ZFAND3: variants seen among roughly 807,000 people sequenced by gnomAD.
The protein encoded by ZFAND3 is AN1-type zinc finger protein 3.
A neutral mutation model predicts 29.6 loss-of-function variants in ZFAND3; 10 were observed. The ratio of observed to expected loss-of-function variants is 0.34; its 90% CI spans 0.21 to 0.57. ZFAND3 has a LOEUF of 0.57. Among genes scored for constraint, ZFAND3 ranks in the 20% least tolerant of loss-of-function variants. The pLI is 0.86. For missense variants in ZFAND3, 230 were observed against 304.5 expected, an observed-to-expected ratio of 0.76 and a Z score of 1.82; for synonymous variants, 128 against 112.6, an observed-to-expected ratio of 1.14 and a Z score of -0.87.
chr6:37,866,909 C>G (rs775069463), intron 1 of ZFAND3, among the ~76,000 whole-genome samples: 1 of 152,144 alleles, frequency 6.6e-6, no homozygotes, highest in African/African-American at 2.4e-5. Context: ...ATGAAACATA[C>G]GGACTGCTTT....
At chr6:38,049,428 GAAGTT>G (rs1482755663) in intron 2 of ZFAND3, among the ~76,000 whole-genome samples, 1 of 152,160 alleles carries the variant, frequency 6.6e-6, no homozygotes, top group Non-Finnish European at 1.5e-5. Context: ...TAGAGCAAGA[GAAGTT>G]AAGTAACTTG....
intron 1 of ZFAND3, among the ~76,000 whole-genome samples, chr6:37,831,755 T>C (rs1267821382): frequency 2.6e-5 from 4 of 152,028 alleles, no homozygotes; most frequent in African/African-American, 9.7e-5. Flanking sequence ...AATGGGAAAG[T>C]GTGCTGAATT....
At chr6:37,920,052 C>CT (rs11389241) in intron 1 of ZFAND3, among the ~76,000 whole-genome samples, 31,172 of 93,242 alleles carry the variant, frequency 0.33, 5,816 homozygotes, top group Non-Finnish European at 0.45. Context: ...TTTTTTGAAG[C>CT]TTTTTTTTTT....
chr6:37,929,894 G>A (rs1345063742), intron 1 of ZFAND3, 65 bp from the exon 2 acceptor site: 4 of 1,474,558 alleles, frequency 2.7e-6, no homozygotes, highest in South Asian at 1.4e-5. Flanking sequence ...GACATCTTAT[G>A]TTTTGATTAG....
chr6:37,859,367 A>G (rs569126515), intron 1 of ZFAND3, among the ~76,000 whole-genome samples: 3 of 152,264 alleles, frequency 2.0e-5, no homozygotes, highest in African/African-American at 7.2e-5. Context: ...GTGTTTGGCA[A>G]TTTGGACTTG....
intron 1 of ZFAND3, among the ~76,000 whole-genome samples, chr6:37,901,267 G>GGA (rs1765314079): frequency 6.6e-6 from 1 of 152,234 alleles, no homozygotes; most frequent in Admixed American, 6.5e-5. Flanking sequence ...AGAAAGCAAG[G>GGA]GAGATTTGAG....
chr6:37,904,857 T>G (rs1176399617), intron 1 of ZFAND3, among the ~76,000 whole-genome samples: 2 of 152,222 alleles, frequency 1.3e-5, no homozygotes, highest in African/African-American at 4.8e-5. Flanking sequence ...TTACTTGTGC[T>G]TGTTTATTTA....
chr6:38,047,954 A>G (rs1763936969), intron 2 of ZFAND3, among the ~76,000 whole-genome samples: 1 of 148,074 alleles, frequency 6.8e-6, no homozygotes, highest in Non-Finnish European at 1.5e-5. Flanking sequence ...TTCCAGACCT[A>G]GGTTTTTGGG....
chr6:37,899,414 T>C (rs1054195905), intron 1 of ZFAND3, among the ~76,000 whole-genome samples: 4 of 152,172 alleles, frequency 2.6e-5, no homozygotes, highest in Non-Finnish European at 5.9e-5. Context: ...TAACCTATTA[T>C]TGTTAGCCTT....
rs528267454 is a variant in ZFAND3, at chr6:38,119,350, A to G, written c.529+2611A>G. Among the ~76,000 whole-genome samples, 4 of 152,338 alleles carry G rather than the reference A, an allele frequency of 2.6e-5. No homozygotes were observed. The South Asian group carries it at 8.3e-4, about 32-fold the overall frequency. ...TAGAGGGGGGATAACACAGTAATTT[A>G]CTACTGAAAGTGAAGACTCAGGAAG... On this transcript the variant is annotated intron_variant, in intron 5 of 5. Transcript: ENST00000287218.
chr6:37,906,292 T>TA (rs1765405827), intron 1 of ZFAND3, among the ~76,000 whole-genome samples: 1 of 152,196 alleles, frequency 6.6e-6, no homozygotes. Context: ...AGTGAAATAA[T>TA]AAAAAATGAC....
chr6:37,984,673 T>G (rs1762635871), intron 2 of ZFAND3, among the ~76,000 whole-genome samples: 1 of 152,260 alleles, frequency 6.6e-6, no homozygotes. Flanking sequence ...AAACTTCTAC[T>G]GAAGCCCAGT....
At chr6:38,020,571 A>G (rs1051325445) in intron 2 of ZFAND3, among the ~76,000 whole-genome samples, 6 of 152,224 alleles carry the variant, frequency 3.9e-5, no homozygotes, top group African/African-American at 1.4e-4. Context: ...CAAGACAACT[A>G]TGTAATGGCA....
At position 38,153,986 on chromosome 6, in the gene ZFAND3, C is replaced by G; in HGVS notation, c.*1597C>G. 2 of 985,476 alleles carry G rather than the reference C, an allele frequency of 2.0e-6. No individual in the cohort carries two copies. Among genetic ancestry groups the G allele is most frequent in the Non-Finnish European group, 2.4e-6 (2 of 829,938 alleles). 61.0% of individuals were successfully genotyped at this position (985,476 alleles called of 1,614,324 possible). On this transcript the variant is annotated 3_prime_UTR_variant, in exon 6 of 6. Transcript: ENST00000287218. ...CAACTGCAAATGTTTTTTGATCCGA[C>G]GTACTGAAATAGGAAGTCATGCTCT...
intron 2 of ZFAND3, among the ~76,000 whole-genome samples, chr6:38,057,286 G>A (rs1162610240): frequency 6.6e-6 from 1 of 152,054 alleles, no homozygotes; most frequent in African/African-American, 2.4e-5. Flanking sequence ...ATATAAATCT[G>A]TTCCCCTTCA....
At chr6:37,931,560 A>C (rs1240279236) in intron 2 of ZFAND3, among the ~76,000 whole-genome samples, 1 of 151,806 alleles carries the variant, frequency 6.6e-6, no homozygotes, top group Non-Finnish European at 1.5e-5. Context: ...AAAAAACAAA[A>C]AAAAAACCAA....
chr6:37,840,747 T>C (rs971589691), intron 1 of ZFAND3, among the ~76,000 whole-genome samples: 2 of 152,228 alleles, frequency 1.3e-5, no homozygotes, highest in African/African-American at 4.8e-5. Flanking sequence ...TTCAGTTCTT[T>C]CAACAACATT....
chr6:37,823,686 T>C (rs1431264590), intron 1 of ZFAND3, among the ~76,000 whole-genome samples: 1 of 152,206 alleles, frequency 6.6e-6, no homozygotes, highest in Non-Finnish European at 1.5e-5. Flanking sequence ...AGTTATTTTA[T>C]AGAGGCCATC....
At chr6:38,058,079 T>C (rs912247630) in intron 2 of ZFAND3, among the ~76,000 whole-genome samples, 2 of 152,210 alleles carry the variant, frequency 1.3e-5, no homozygotes, top group African/African-American at 4.8e-5. Context: ...TGAAAGTACC[T>C]GAGCATCAAA....
Sources: allele counts gnomAD v4.1 joint callset (sites outside exome capture counted in the v4.1 genomes callset), GRCh38; gene constraint gnomAD v4.1.1; transcripts MANE v1.5; gene names NCBI Gene and HGNC (gene_info 2026-07-23, HGNC 2026-07-21).